Variants in CSNK2A1 observed in about 807,000 individuals in gnomAD.
The protein encoded by CSNK2A1 is casein kinase 2 alpha 1, also known as casein kinase II subunit alpha.
In CSNK2A1, 10 loss-of-function variants were observed where a neutral mutation model predicts 62.9. That is an observed-to-expected ratio of 0.16 (90% CI 0.10 to 0.27). The LOEUF (loss-of-function observed/expected upper bound fraction) is 0.27, where lower values mean the gene tolerates loss of function less well. Ranked by LOEUF, CSNK2A1 falls within the 10% of genes least tolerant of loss-of-function variation. The pLI is 1.00. For missense variants in CSNK2A1, 160 were observed against 492.0 expected (o/e 0.33, Z 6.38); for synonymous variants, 124 against 167.8 (o/e 0.74, Z 2.02).
intron 2 of CSNK2A1, chr20:527,038 A>AGAGAGAGAGAGAGG (rs1420208141): frequency 6.7e-6 from 1 of 149,152 alleles, no homozygotes; most frequent in Non-Finnish European, 1.5e-5. Flanking sequence ...AGAGAGAGAG[A>AGAGAGAGAGAGAGG]GAGAGAATGA....
chr20:533,538 G>A (rs1435065826), intron 1 of CSNK2A1, among the ~76,000 whole-genome samples: 2 of 152,176 alleles, frequency 1.3e-5, no homozygotes, highest in African/African-American at 4.8e-5. Flanking sequence ...AGGAGGCAGA[G>A]GTTGCAATGA....
intron 1 of CSNK2A1, chr20:539,108 C>A (rs932082850): frequency 9.2e-5 from 14 of 152,174 alleles, no homozygotes; most frequent in African/African-American, 3.4e-4. Context: ...CCCAAAGACT[C>A]TAAAATAAAA....
chr20:490,797 C>T (rs2018213941), intron 9 of CSNK2A1, among the ~76,000 whole-genome samples: 1 of 149,322 alleles, frequency 6.7e-6, no homozygotes, highest in African/African-American at 2.5e-5. Flanking sequence ...CCTCCAACTC[C>T]TGGGCTTAGG....
intron 12 of CSNK2A1, 58 bp from the exon 13 acceptor site, chr20:486,520 C>T: frequency 1.9e-6 from 3 of 1,582,376 alleles, no homozygotes; most frequent in Non-Finnish European, 2.6e-6. Flanking sequence ...AACTAATGGT[C>T]TGGAAGCCTG....
chr20:508,913 A>G (rs1302827665), intron 2 of CSNK2A1, among the ~76,000 whole-genome samples: 3 of 152,250 alleles, frequency 2.0e-5, no homozygotes, highest in African/African-American at 7.2e-5. Flanking sequence ...CAAAATTTGA[A>G]TGATTTTTGT....
chr20:483,778 A>T lies in CSNK2A1; in HGVS notation c.*183T>A. On this transcript the variant is annotated 3_prime_UTR_variant, in exon 14 of 14. Coordinates refer to ENST00000217244, the MANE Select transcript of CSNK2A1 (RefSeq NM_177559.3). The stretch of plus-strand genomic sequence containing the variant: ...TGAAAAGTTCGAGTTAAAAAAAAAA[A>T]GAAAAAAGAAAATCAGCCTATTATA... 2.4e-6 allele frequency: 1 copy of T among 411,032 alleles called. No homozygotes were observed. Among genetic ancestry groups the T allele is most frequent in the Non-Finnish European group, 4.2e-6 (1 of 240,864 alleles). 25.5% of individuals were successfully genotyped at this position (411,032 alleles called of 1,614,324 possible). A position where few individuals can be genotyped will look rare whatever the true frequency, so the allele number is the denominator to read the frequency against.
intron 1 of CSNK2A1, among the ~76,000 whole-genome samples, chr20:529,091 A>T (rs1001117036): frequency 3.0e-4 from 45 of 152,106 alleles, no homozygotes; most frequent in African/African-American, 1.0e-3. Flanking sequence ...CCCAGGCTGG[A>T]GTGCAGTGGT....
At chr20:489,749 T>C in intron 10 of CSNK2A1, 31 bp downstream of exon 10, 1 of 1,577,398 alleles carries the variant, frequency 6.3e-7, no homozygotes, top group African/African-American at 1.3e-5. Context: ...ATTAGGCCAG[T>C]ACATTTTTCA....
intron 1 of CSNK2A1, among the ~76,000 whole-genome samples, chr20:533,589 C>T (rs1440870085): frequency 6.6e-6 from 1 of 152,126 alleles, no homozygotes; most frequent in Admixed American, 6.5e-5. Context: ...GGTGACAGAG[C>T]GAGACGCTGT....
intron 12 of CSNK2A1, 120 bp downstream of exon 12, chr20:487,307 A>T: frequency 7.0e-7 from 1 of 1,421,696 alleles, no homozygotes; most frequent in South Asian, 1.3e-5. Flanking sequence ...CACTGGAAGA[A>T]TCTGAGGCTC....
intron 1 of CSNK2A1, among the ~76,000 whole-genome samples, chr20:532,639 C>T (rs1489457110): frequency 2.6e-5 from 4 of 152,236 alleles, no homozygotes; most frequent in Admixed American, 1.3e-4. Context: ...ACATCTGTAA[C>T]GCACCCTAAC....
At chr20:490,514 C>G in intron 9 of CSNK2A1, among the ~76,000 whole-genome samples, 1 of 146,634 alleles carries the variant, frequency 6.8e-6, no homozygotes. Flanking sequence ...AAGCAATTCT[C>G]TGCCTCAGCC....
At position 481,868 on chromosome 20, in the gene CSNK2A1, G is replaced by A. The variant is rs2017962527; in HGVS notation, c.*2093C>T. The A allele has an allele frequency of 6.6e-6, 1 of 152,138 alleles. No homozygotes were observed. Among genetic ancestry groups the A allele is most frequent in the Admixed American group, 6.5e-5 (1 of 15,278 alleles). The allele number at this position is 152,138 out of a possible 1,614,324, so 9.4% of individuals were successfully genotyped here. A position where few individuals can be genotyped will look rare whatever the true frequency, so the allele number is the denominator to read the frequency against. On this transcript the variant is annotated 3_prime_UTR_variant, in exon 14 of 14. Coordinates refer to ENST00000217244, the MANE Select transcript of CSNK2A1 (RefSeq NM_177559.3). ...GGCACATCTGGTGCTTTTAGCTTCT[G>A]CACAAATTCAACATGGTAACCCTCA... is the stretch of plus-strand genomic sequence containing the variant.
intron 1 of CSNK2A1, among the ~76,000 whole-genome samples, chr20:536,631 C>T (rs1170519141): frequency 2.6e-5 from 4 of 152,166 alleles, no homozygotes; most frequent in African/African-American, 7.2e-5. Context: ...CCTCCCTACC[C>T]GCAATCTCAA....
At chr20:509,822 C>T (rs1218356849) in intron 2 of CSNK2A1, among the ~76,000 whole-genome samples, 5 of 152,158 alleles carry the variant, frequency 3.3e-5, no homozygotes, top group Non-Finnish European at 5.9e-5. Context: ...AGCAATCCTC[C>T]CACCTCAGCC....
chr20:515,152 GA>G (rs1212897741), intron 2 of CSNK2A1, among the ~76,000 whole-genome samples: 2 of 152,190 alleles, frequency 1.3e-5, no homozygotes, highest in Non-Finnish European at 2.9e-5. Context: ...GAGAAATGAT[GA>G]CCTAAGGTGG....
intron 2 of CSNK2A1, among the ~76,000 whole-genome samples, chr20:525,659 A>G (rs1201467727): frequency 6.8e-6 from 1 of 147,868 alleles, no homozygotes; most frequent in Non-Finnish European, 1.5e-5. Flanking sequence ...TCAAAAAAAA[A>G]AAAAAAAAGA....
At chr20:513,617 G>A (rs1432006991) in intron 2 of CSNK2A1, among the ~76,000 whole-genome samples, 1 of 152,190 alleles carries the variant, frequency 6.6e-6, no homozygotes, top group Non-Finnish European at 1.5e-5. Flanking sequence ...GACATATGGA[G>A]AATAGCCAAC....
chr20:516,203 ACTTAGTG>A (rs1184282960), intron 2 of CSNK2A1, among the ~76,000 whole-genome samples: 4 of 152,234 alleles, frequency 2.6e-5, no homozygotes, highest in Admixed American at 6.5e-5. Flanking sequence ...AAATTGTCTT[ACTTAGTG>A]CTTACTGTTC....
Sources: allele counts gnomAD v4.1 joint callset (sites outside exome capture counted in the v4.1 genomes callset), GRCh38; gene constraint gnomAD v4.1.1; transcripts MANE v1.5; gene names NCBI Gene and HGNC (gene_info 2026-07-23, HGNC 2026-07-21).